IQCH: variants seen among roughly 807,000 people sequenced by gnomAD.
IQCH encodes the protein IQ domain-containing protein H.
A neutral mutation model predicts 117.0 loss-of-function variants in IQCH; 98 were observed. The observed-to-expected ratio is 0.84, with a 90% confidence interval of 0.71 to 0.99. IQCH has a LOEUF of 0.99. Ranked by LOEUF, IQCH falls within the 50% of genes least tolerant of loss-of-function variation. IQCH has a pLI of 0.00. For synonymous variants in IQCH, 412 were observed against 448.2 expected, an observed-to-expected ratio of 0.92 and a Z score of 1.02; for missense variants, 1,102 against 1,243.8, an observed-to-expected ratio of 0.89 and a Z score of 1.72.
chr15:67,361,760 G>T (rs1186140974), intron 8 of IQCH, among the ~76,000 whole-genome samples: 1 of 152,166 alleles, frequency 6.6e-6, no homozygotes, highest in Non-Finnish European at 1.5e-5. Flanking sequence ...AAGTCAGTCA[G>T]GCTTTGCACA....
chr15:67,271,485 G>A (rs1965897159), intron 3 of IQCH, among the ~76,000 whole-genome samples: 2 of 152,080 alleles, frequency 1.3e-5, no homozygotes, highest in Non-Finnish European at 2.9e-5. Flanking sequence ...GAGTAGAATT[G>A]GTGTTAGTTA....
chr15:67,328,911 G>A (rs1968532483), intron 4 of IQCH, among the ~76,000 whole-genome samples: 2 of 152,168 alleles, frequency 1.3e-5, no homozygotes, highest in East Asian at 3.8e-4. Flanking sequence ...CACACAAGGG[G>A]CTTCTGGTGT....
At chr15:67,281,195 G>A (rs1330490150) in intron 4 of IQCH, among the ~76,000 whole-genome samples, 2 of 152,134 alleles carry the variant, frequency 1.3e-5, no homozygotes, top group Non-Finnish European at 2.9e-5. Flanking sequence ...TAAGCTTAAT[G>A]AGGGCAGTAA....
chr15:67,338,992 C>A (rs917628123), intron 5 of IQCH, among the ~76,000 whole-genome samples: 2 of 152,192 alleles, frequency 1.3e-5, no homozygotes, highest in Non-Finnish European at 2.9e-5. Flanking sequence ...CTTCCTCAAG[C>A]ACCTGCCCTT....
In IQCH at chr15:67,474,584, T is replaced by C. The variant is rs1314931186; in HGVS notation, c.2677-1112T>C. Reference sequence around the variant, plus strand: ...CATAATGACAGCACTTTGGGCCTACTATCACCAATCTCTTTGGCATGGCTT... The same window carrying C: ...CATAATGACAGCACTTTGGGCCTACCATCACCAATCTCTTTGGCATGGCTT... On this transcript the variant is annotated intron_variant, in intron 17 of 20. Transcript: ENST00000335894. The surrounding 1 kb of genome is among the most constrained non-coding windows in gnomAD (Gnocchi z 4.1). Among the ~76,000 whole-genome samples the C allele has an allele frequency of 3.3e-5, 5 of 152,202 alleles. No individual in the cohort carries two copies. The highest frequency in any genetic ancestry group is 5.9e-5 in the Non-Finnish European group (4 of 68,024).
chr15:67,340,619 G>C (rs759130975), intron 5 of IQCH, among the ~76,000 whole-genome samples: 2 of 152,026 alleles, frequency 1.3e-5, no homozygotes, highest in African/African-American at 4.8e-5. Context: ...GAAAAGTAGA[G>C]ACTCAATCAG....
intron 16 of IQCH, among the ~76,000 whole-genome samples, chr15:67,439,661 G>A (rs796599845): frequency 3.4e-4 from 51 of 152,122 alleles, no homozygotes; most frequent in African/African-American, 1.1e-3. Context: ...CGAGGTGGGC[G>A]GATCACCTGA....
intron 6 of IQCH, among the ~76,000 whole-genome samples, chr15:67,347,799 C>CTATA (rs979282354): frequency 2.1e-5 from 3 of 142,456 alleles, no homozygotes; most frequent in Admixed American, 7.1e-5. Flanking sequence ...AGTGCTCTGT[C>CTATA]TATATATATA....
chr15:67,364,814 T>C lies in IQCH; in HGVS notation c.753+4929T>C, dbSNP rs1970274925. ...CATCTAATAGTTTATCATAAACCTT[T>C]ACATATATGATTTAAAATTCATAAA... is the stretch of plus-strand genomic sequence containing the variant. On this transcript the variant is annotated intron_variant, in intron 8 of 20. Coordinates refer to ENST00000335894, the MANE Select transcript of IQCH (RefSeq NM_001031715.3). This position sits in a 1 kb window ranked among gnomAD's most constrained non-coding sequence, Gnocchi z 4.1. Among the ~76,000 whole-genome samples, 1 of 152,244 alleles carries C rather than the reference T, an allele frequency of 6.6e-6. No homozygotes were observed. Among genetic ancestry groups the C allele is most frequent in the Admixed American group, 6.5e-5 (1 of 15,288 alleles).
At chr15:67,339,244 T>C (rs1203822511) in intron 5 of IQCH, among the ~76,000 whole-genome samples, 1 of 152,176 alleles carries the variant, frequency 6.6e-6, no homozygotes, top group Non-Finnish European at 1.5e-5. Flanking sequence ...CATGGTGTTT[T>C]ATTAAACATG....
intron 4 of IQCH, among the ~76,000 whole-genome samples, chr15:67,333,953 G>C (rs1318848916): frequency 6.6e-6 from 1 of 152,056 alleles, no homozygotes; most frequent in Non-Finnish European, 1.5e-5. Context: ...AGCTACCTGG[G>C]AGGCTGAGGT....
rs146917662 is a variant in IQCH at position 67,314,330 on chromosome 15, A to G, written c.388-22645A>G. Among the ~76,000 whole-genome samples the G allele has an allele frequency of 6.8e-4, 104 of 152,128 alleles. 4 individuals are homozygous for G. The East Asian group carries it at 0.012, about 18-fold the overall frequency. ...TGCCACTTCCCAGCCTCAGCACTGG[A>G]CAGTATGAGCCTCCTCTCCCACTCT... On this transcript the variant is annotated intron_variant, in intron 4 of 20. Coordinates refer to ENST00000335894, the MANE Select transcript of IQCH (RefSeq NM_001031715.3).
chr15:67,355,070 A>T (rs1167528147), intron 6 of IQCH, among the ~76,000 whole-genome samples: 1 of 152,206 alleles, frequency 6.6e-6, no homozygotes, highest in Non-Finnish European at 1.5e-5. Context: ...AGACATACTT[A>T]TACTAAATAA....
intron 16 of IQCH, among the ~76,000 whole-genome samples, chr15:67,435,666 A>T (rs1444231467): frequency 6.6e-6 from 1 of 152,042 alleles, no homozygotes; most frequent in Admixed American, 6.5e-5. Flanking sequence ...TGAGGTCAGG[A>T]GTTCGGGATC....
intron 16 of IQCH, among the ~76,000 whole-genome samples, chr15:67,437,382 C>T (rs997229608): frequency 6.6e-6 from 1 of 152,106 alleles, no homozygotes; most frequent in African/African-American, 2.4e-5. Context: ...AGGGAACAAC[C>T]CGTGGGACAA....
intron 4 of IQCH, among the ~76,000 whole-genome samples, chr15:67,329,191 C>T (rs1392669744): frequency 6.6e-6 from 1 of 151,406 alleles, no homozygotes; most frequent in Non-Finnish European, 1.5e-5. Flanking sequence ...TCCAGCTGCT[C>T]AAGAGGCTGA....
Position 67,421,472 on chromosome 15 carries a change from T to A in IQCH, c.2400T>A (p.Thr800=). ...PQTSVDPQVL[T]YLCLQIGKAC... is the part of the protein sequence containing the mutation. ...CCTCAGTGGATCCCCAAGTTCTCAC[T>A]TATTTGTGCCTCCAAATTGGAAAAG... The change falls in exon 16 of 21, where the codon ACT becomes ACA. Residue 800 remains threonine, a synonymous_variant. Coordinates refer to ENST00000335894, the MANE Select transcript of IQCH (RefSeq NM_001031715.3). The A allele has an allele frequency of 6.2e-7, 1 of 1,614,188 alleles. No individual in the cohort carries two copies. The highest frequency in any genetic ancestry group is 8.5e-7 in the Non-Finnish European group (1 of 1,180,016).
chr15:67,255,772 A>T (rs763102955), intron 1 of IQCH, among the ~76,000 whole-genome samples: 1 of 152,084 alleles, frequency 6.6e-6, no homozygotes, highest in Non-Finnish European at 1.5e-5. Context: ...CAGAATTTTG[A>T]TCTCTTACCT....
chr15:67,301,558 C>T lies in IQCH; in HGVS notation c.387+22046C>T, dbSNP rs573012034. 4.6e-5 allele frequency among the ~76,000 whole-genome samples: 7 copies of T among 151,632 alleles called. No homozygotes were observed. The South Asian group carries it at 1.5e-3, about 32-fold the overall frequency. On this transcript the variant is annotated intron_variant, in intron 4 of 20. Coordinates refer to ENST00000335894, the MANE Select transcript of IQCH (RefSeq NM_001031715.3). ...TCAAGTAGCTGGGACCACAGGCGCA[C>T]GCTACTACACCTGGCTAATTTTTGT...
Sources: gnomAD v4.1 joint callset for allele counts (sites outside exome capture counted in the v4.1 genomes callset) on GRCh38, gnomAD v4.1.1 for gene constraint, Gnocchi (gnomAD v3.1) non-coding constraint, MANE v1.5 for transcripts, NCBI Gene and HGNC (gene_info 2026-07-23, HGNC 2026-07-21) for gene names.